Variants in CCDC102B observed in about 807,000 individuals in gnomAD.
CCDC102B encodes coiled-coil domain-containing protein 102B.
A neutral mutation model predicts 57.4 loss-of-function variants in CCDC102B; 75 were observed. The ratio of observed to expected loss-of-function variants is 1.31; its 90% CI spans 1.08 to 1.58. The LOEUF is 1.58. CCDC102B is among the 40% of genes most tolerant of loss of function. CCDC102B has a pLI of 0.00. For synonymous variants in CCDC102B, 206 were observed against 201.9 expected (o/e 1.02, Z -0.17); for missense variants, 636 against 582.6 (o/e 1.09, Z -0.94).
chr18:68,870,195 G>T (rs2039182281), intron 4 of CCDC102B, among the ~76,000 whole-genome samples: 1 of 152,082 alleles, frequency 6.6e-6, no homozygotes, highest in Non-Finnish European at 1.5e-5. Flanking sequence ...GAGCCTGTCA[G>T]GGGGTGGGTG....
Position 68,847,995 on chromosome 18 carries a change from CAT to C in CCDC102B, c.936+1577_936+1578del, listed in dbSNP as rs1439745503. Among the ~76,000 whole-genome samples, 5 of 151,272 alleles carry C rather than the reference CAT, an allele frequency of 3.3e-5. No homozygotes were observed. In the East Asian group the frequency reaches 7.7e-4, roughly 23 times the overall value. On this transcript the variant is annotated intron_variant, in intron 4 of 7. Transcript: ENST00000360242. ...TTTTTTTGAATAAATGTGTTATATA[CAT>C]ATGTTTAAATTATTTTTATAAAATA...
intron 6 of CCDC102B, among the ~76,000 whole-genome samples, chr18:68,980,727 A>G (rs1568365711): frequency 6.6e-6 from 1 of 152,018 alleles, no homozygotes; most frequent in Non-Finnish European, 1.5e-5. Context: ...AAGGCAGAAC[A>G]GTCCCAGAAT....
At chr18:68,950,107 C>T (rs2049653379) in intron 6 of CCDC102B, among the ~76,000 whole-genome samples, 2 of 152,108 alleles carry the variant, frequency 1.3e-5, no homozygotes, top group African/African-American at 2.4e-5. Flanking sequence ...TGAAGTCTTA[C>T]AATCCTTAGT....
intron 1 of CCDC102B, among the ~76,000 whole-genome samples, chr18:68,800,625 TGTGTGAG>T (rs2035812159): frequency 1.3e-5 from 2 of 152,080 alleles, no homozygotes; most frequent in African/African-American, 4.8e-5. Context: ...ACAAATGAGA[TGTGTGAG>T]GTGGCCAGGA....
intron 6 of CCDC102B, among the ~76,000 whole-genome samples, chr18:68,964,605 CT>C: frequency 6.6e-6 from 1 of 151,896 alleles, no homozygotes; most frequent in South Asian, 2.1e-4. Flanking sequence ...GCATGACATT[CT>C]TTCTCCATCG....
At chr18:68,800,730 A>G (rs940612862) in intron 1 of CCDC102B, among the ~76,000 whole-genome samples, 3 of 152,144 alleles carry the variant, frequency 2.0e-5, no homozygotes, top group African/African-American at 7.2e-5. Context: ...TCTTAAAACT[A>G]TGGAATGACC....
chr18:68,729,370 A>G (rs1232532565), intron 2 of CCDC102B, among the ~76,000 whole-genome samples: 2 of 152,198 alleles, frequency 1.3e-5, no homozygotes, highest in African/African-American at 2.4e-5. Flanking sequence ...GAGAAGAGCA[A>G]AAGTCCAAGT....
At chr18:68,857,690 T>C (rs998571179) in intron 4 of CCDC102B, among the ~76,000 whole-genome samples, 2 of 151,916 alleles carry the variant, frequency 1.3e-5, no homozygotes, top group Non-Finnish European at 2.9e-5. Context: ...GTAATTTTCA[T>C]GTACTGGATC....
chr18:68,964,410 T>G (rs2050120058), intron 6 of CCDC102B, among the ~76,000 whole-genome samples: 1 of 151,642 alleles, frequency 6.6e-6, no homozygotes, highest in Non-Finnish European at 1.5e-5. Context: ...GGTTTTTTTT[T>G]TTTTCTTTTA....
intron 1 of CCDC102B, among the ~76,000 whole-genome samples, chr18:68,830,561 G>T (rs1051044250): frequency 6.9e-6 from 1 of 144,938 alleles, no homozygotes; most frequent in African/African-American, 2.8e-5. Flanking sequence ...TTGACTGTCA[G>T]GTTTCCATAC....
rs924632409 is a variant in CCDC102B, at chr18:68,936,153, G to A, written c.1263+38725G>A. On this transcript the variant is annotated intron_variant, in intron 6 of 7. Transcript: ENST00000360242. Reference sequence around the variant, plus strand: ...CTTATATGAAACAAAAATGAATTTTGTGTTTAGACTTGGGTCCCATTCCCA... The same window carrying A: ...CTTATATGAAACAAAAATGAATTTTATGTTTAGACTTGGGTCCCATTCCCA... 2.6e-5 allele frequency among the ~76,000 whole-genome samples: 4 copies of A among 151,768 alleles called. 1 individual carries two copies. The highest frequency in any genetic ancestry group is 9.7e-5 in the African/African-American group (4 of 41,330).
intron 6 of CCDC102B, among the ~76,000 whole-genome samples, chr18:68,910,391 A>G (rs2040798229): frequency 6.6e-6 from 1 of 152,216 alleles, no homozygotes; most frequent in Non-Finnish European, 1.5e-5. Flanking sequence ...GTACAGCAGA[A>G]TTGGCAGATA....
chr18:69,052,515 A>G (rs1243149033), intron 7 of CCDC102B, among the ~76,000 whole-genome samples: 1 of 151,856 alleles, frequency 6.6e-6, no homozygotes, highest in Non-Finnish European at 1.5e-5. Context: ...ACACACATAC[A>G]TAGTGTGTGT....
At chr18:68,743,022 A>G (rs952295385) in intron 2 of CCDC102B, among the ~76,000 whole-genome samples, 1 of 152,026 alleles carries the variant, frequency 6.6e-6, no homozygotes, top group East Asian at 1.9e-4. Context: ...ATGAATTTCA[A>G]CTGGCATAAT....
intron 6 of CCDC102B, among the ~76,000 whole-genome samples, chr18:68,913,325 TG>T (rs879815890): frequency 6.6e-6 from 1 of 151,198 alleles, no homozygotes; most frequent in Non-Finnish European, 1.5e-5. Context: ...TGTGTGTGTG[TG>T]TGTGTGTGTG....
chr18:68,862,475 A>G (rs2038804000), intron 4 of CCDC102B, among the ~76,000 whole-genome samples: 1 of 152,136 alleles, frequency 6.6e-6, no homozygotes, highest in Non-Finnish European at 1.5e-5. Flanking sequence ...ATTACTTTTC[A>G]TATTTTTTAT....
chr18:68,846,227 G>T, intron 3 of CCDC102B, 86 bp from the exon 4 acceptor site: 1 of 746,074 alleles, frequency 1.3e-6, no homozygotes, highest in South Asian at 3.6e-5. Context: ...CAAAAATTAG[G>T]AAAATGCCTA....
At chr18:68,934,320 C>T (rs1266045554) in intron 6 of CCDC102B, among the ~76,000 whole-genome samples, 2 of 151,800 alleles carry the variant, frequency 1.3e-5, no homozygotes, top group African/African-American at 4.8e-5. Flanking sequence ...CTTTCATTAC[C>T]ATAGTGAGCC....
intron 3 of CCDC102B, among the ~76,000 whole-genome samples, chr18:68,842,660 G>A (rs548617895): frequency 2.4e-4 from 37 of 152,190 alleles, no homozygotes; most frequent in Non-Finnish European, 4.4e-4. Context: ...CAGAGGCAGC[G>A]GTGGCCTCTG....
Sources: gnomAD v4.1 joint callset for allele counts (sites outside exome capture counted in the v4.1 genomes callset) on GRCh38, gnomAD v4.1.1 for gene constraint, MANE v1.5 for transcripts, NCBI Gene and HGNC (gene_info 2026-07-23, HGNC 2026-07-21) for gene names.